Variants in PTK2 observed in about 807,000 individuals in gnomAD.
PTK2 encodes focal adhesion kinase 1.
Under a neutral mutation model 150.1 loss-of-function variants are expected in PTK2, and 45 were observed. That is an observed-to-expected ratio of 0.30 (90% CI 0.24 to 0.38). The LOEUF (loss-of-function observed/expected upper bound fraction) is 0.38, where lower values mean the gene tolerates loss of function less well. Ranked by LOEUF, PTK2 falls within the 10% of genes least tolerant of loss-of-function variation. The pLI is 1.00. For missense variants in PTK2, 919 were observed against 1,307.3 expected, an observed-to-expected ratio of 0.70 and a Z score of 4.58; for synonymous variants, 432 against 449.2, an observed-to-expected ratio of 0.96 and a Z score of 0.48.
At chr8:140,795,844 A>C (rs780201505) in intron 12 of PTK2, among the ~76,000 whole-genome samples, 13 of 152,310 alleles carry the variant, frequency 8.5e-5, no homozygotes, top group Non-Finnish European at 1.6e-4. Context: ...ATTCCCCTGA[A>C]CATACCACAC....
chr8:140,877,453 T>C (rs1235764925), intron 4 of PTK2, among the ~76,000 whole-genome samples: 1 of 152,196 alleles, frequency 6.6e-6, no homozygotes, highest in Non-Finnish European at 1.5e-5. Flanking sequence ...GACAGCTAAG[T>C]TCGAATCAAA....
intron 2 of PTK2, among the ~76,000 whole-genome samples, chr8:140,925,114 T>C (rs2100168978): frequency 6.6e-6 from 1 of 151,916 alleles, no homozygotes; most frequent in African/African-American, 2.4e-5. Context: ...TCTCATATAA[T>C]TGTCATAATT....
In PTK2 at chr8:140,877,025, C is replaced by CTTT. The variant is rs60000363; in HGVS notation, c.362+2443_362+2445dup. On this transcript the variant is annotated intron_variant, in intron 4 of 31. Coordinates refer to ENST00000522684, the Ensembl canonical transcript of PTK2. ...ACTATGCATGTAACTTTCACTAATC[C>CTTT]TTTTTTTTTTTTTTTTTTTTTTTTT... is the stretch of plus-strand genomic sequence containing the variant. Among the ~76,000 whole-genome samples the CTTT allele has an allele frequency of 2.0e-3, 141 of 71,866 alleles. 1 individual carries two copies. Among genetic ancestry groups the CTTT allele is most frequent in the African/African-American group, 5.6e-3 (96 of 17,088 alleles). The allele number at this position is 71,866 out of a possible 152,430, so 47.1% of individuals were successfully genotyped here.
intron 1 of PTK2, among the ~76,000 whole-genome samples, chr8:140,979,634 A>G (rs1355424370): frequency 6.6e-6 from 1 of 152,154 alleles, no homozygotes; most frequent in East Asian, 1.9e-4. Flanking sequence ...TCCCCACCCA[A>G]ATCTCATCTT....
At chr8:140,915,879 T>C (rs1166416699) in intron 2 of PTK2, among the ~76,000 whole-genome samples, 1 of 150,994 alleles carries the variant, frequency 6.6e-6, no homozygotes, top group African/African-American at 2.4e-5. Flanking sequence ...TCCAGTCTGG[T>C]GACAAGAGCA....
At chr8:140,862,961 T>C (rs1247295790) in intron 5 of PTK2, among the ~76,000 whole-genome samples, 1 of 152,152 alleles carries the variant, frequency 6.6e-6, no homozygotes, top group Non-Finnish European at 1.5e-5. Context: ...TGACTACTTC[T>C]TCACAGACAA....
chr8:140,792,659 G>A (rs1413494620), intron 13 of PTK2, among the ~76,000 whole-genome samples: 1 of 152,200 alleles, frequency 6.6e-6, no homozygotes, highest in African/African-American at 2.4e-5. Context: ...GGAACTGGAG[G>A]AAATAGTAAG....
chr8:140,719,408 G>A (rs2100041531), intron 22 of PTK2, among the ~76,000 whole-genome samples: 2 of 152,080 alleles, frequency 1.3e-5, no homozygotes, highest in Admixed American at 1.3e-4. Context: ...CCATGTGCCA[G>A]GCCCAGGTGA....
intron 16 of PTK2, among the ~76,000 whole-genome samples, chr8:140,756,535 T>C (rs2100065861): frequency 6.8e-6 from 1 of 147,956 alleles, no homozygotes; most frequent in Non-Finnish European, 1.5e-5. Flanking sequence ...CCATCTCTAC[T>C]AAAAATACAA....
At chr8:140,715,339 A>G (rs2100039104) in intron 23 of PTK2, among the ~76,000 whole-genome samples, 1 of 151,546 alleles carries the variant, frequency 6.6e-6, no homozygotes, top group Non-Finnish European at 1.5e-5. Flanking sequence ...TGGCTGGCTG[A>G]TTTTTGTATA....
chr8:140,989,121 T>C (rs1384444681), intron 1 of PTK2, among the ~76,000 whole-genome samples: 1 of 143,476 alleles, frequency 7.0e-6, no homozygotes, highest in Non-Finnish European at 1.5e-5. Flanking sequence ...CTCACACTTG[T>C]AATTCCAACA....
chr8:140,713,878 A>C (rs1248267207), intron 23 of PTK2, among the ~76,000 whole-genome samples: 1 of 152,174 alleles, frequency 6.6e-6, no homozygotes, highest in African/African-American at 2.4e-5. Flanking sequence ...AAAAAAAATT[A>C]AAATTTCATT....
chr8:140,891,471 G>A (rs1194967624), intron 2 of PTK2, among the ~76,000 whole-genome samples: 3 of 152,086 alleles, frequency 2.0e-5, no homozygotes, highest in Non-Finnish European at 4.4e-5. Context: ...AGGGCTCAGA[G>A]ACAAAGATAT....
intron 4 of PTK2, among the ~76,000 whole-genome samples, chr8:140,877,126 A>G (rs1207888310): frequency 2.2e-5 from 3 of 136,418 alleles, no homozygotes; most frequent in Non-Finnish European, 4.6e-5. Flanking sequence ...TCCGCCTCCC[A>G]GGTTCAAGCA....
At chr8:140,968,701 C>CATAGTCA (rs1436817872) in intron 1 of PTK2, among the ~76,000 whole-genome samples, 1 of 152,178 alleles carries the variant, frequency 6.6e-6, no homozygotes, top group Non-Finnish European at 1.5e-5. Context: ...AATCAATAGG[C>CATAGTCA]ATAGTCAATA....
At chr8:140,789,477 A>G (rs2100087088) in exon 14 of PTK2, 4 of 1,613,170 alleles carry the variant, frequency 2.5e-6, no homozygotes, top group South Asian at 2.2e-5. Context: ...CCCTTACCTG[A>G]CACAGAGACG....
chr8:140,753,709 ATATAT>A (rs1469826438), intron 16 of PTK2, among the ~76,000 whole-genome samples: 4 of 152,090 alleles, frequency 2.6e-5, no homozygotes, highest in Non-Finnish European at 4.4e-5. Flanking sequence ...ATATCATTTT[ATATAT>A]TATAATTATA....
Position 140,793,467 on chromosome 8 carries a change from G to A in PTK2, c.1094-83C>T, listed in dbSNP as rs970190694. On this transcript the variant is annotated intron_variant, in intron 12 of 31. Transcript: ENST00000522684. ...GTGCCTAGAATCAGGGAGGAAGGAT[G>A]AGGCCTATACTGGTATTCCAGCAAT... 8.8e-6 allele frequency: 13 copies of A among 1,479,436 alleles called. 1 individual carries two copies. Among genetic ancestry groups the A allele is most frequent in the Non-Finnish European group, 1.2e-5 (13 of 1,074,054 alleles). The allele number at this position is 1,479,436 out of a possible 1,614,324, so 91.6% of individuals were successfully genotyped here.
intron 2 of PTK2, among the ~76,000 whole-genome samples, chr8:140,899,213 G>C (rs754263606): frequency 6.6e-6 from 1 of 152,076 alleles, no homozygotes; most frequent in Non-Finnish European, 1.5e-5. Flanking sequence ...CCTTGAATCT[G>C]GGTGGGCTTC....
Sources: allele counts gnomAD v4.1 joint callset (sites outside exome capture counted in the v4.1 genomes callset), GRCh38; gene constraint gnomAD v4.1.1; transcripts MANE v1.5; gene names NCBI Gene and HGNC (gene_info 2026-07-23, HGNC 2026-07-21).